PAK5: variants seen among roughly 807,000 people sequenced by gnomAD.
The protein encoded by PAK5 is serine/threonine-protein kinase PAK 5.
In PAK5, 16 loss-of-function variants were observed where a neutral mutation model predicts 65.9. That is an observed-to-expected ratio of 0.24 (90% CI 0.16 to 0.37). PAK5 has a LOEUF of 0.37. Among genes scored for constraint, PAK5 ranks in the 10% least tolerant of loss-of-function variants. PAK5 has a pLI of 1.00. For missense variants in PAK5, 785 were observed against 903.9 expected (o/e 0.87, Z 1.69); for synonymous variants, 371 against 354.9 (o/e 1.05, Z -0.51).
chr20:9,685,109 C>T (rs2047700252), intron 2 of PAK5, among the ~76,000 whole-genome samples: 1 of 152,196 alleles, frequency 6.6e-6, no homozygotes, highest in South Asian at 2.1e-4. Flanking sequence ...CTTTCCATAG[C>T]ACTGATCTCA....
intron 1 of PAK5, among the ~76,000 whole-genome samples, chr20:9,765,043 T>C (rs1051421469): frequency 6.6e-6 from 1 of 152,186 alleles, no homozygotes; most frequent in Non-Finnish European, 1.5e-5. Flanking sequence ...AGCACATGTA[T>C]AACCCTCACC....
At chr20:9,575,916 C>G (rs1369063392) in intron 4 of PAK5, among the ~76,000 whole-genome samples, 1 of 152,126 alleles carries the variant, frequency 6.6e-6, no homozygotes, top group African/African-American at 2.4e-5. Flanking sequence ...TTGGGGAAGT[C>G]CATAAAGATT....
intron 3 of PAK5, among the ~76,000 whole-genome samples, chr20:9,625,974 C>A (rs2046838319): frequency 6.6e-6 from 1 of 152,162 alleles, no homozygotes; most frequent in African/African-American, 2.4e-5. Context: ...TTCAGGACTG[C>A]AGGTGCCACC....
intron 1 of PAK5, among the ~76,000 whole-genome samples, chr20:9,728,292 C>G (rs1018133167): frequency 6.6e-6 from 1 of 152,096 alleles, no homozygotes; most frequent in South Asian, 2.1e-4. Context: ...TCCAGAATCA[C>G]GAGAAATAAA....
intron 1 of PAK5, among the ~76,000 whole-genome samples, chr20:9,725,530 AT>A (rs2048266563): frequency 6.6e-6 from 1 of 152,204 alleles, no homozygotes; most frequent in Admixed American, 6.5e-5. Context: ...CGGCAAAAGA[AT>A]TTTCAACACA....
At chr20:9,558,495 TGAA>T (rs1313333622) in intron 6 of PAK5, among the ~76,000 whole-genome samples, 1 of 152,168 alleles carries the variant, frequency 6.6e-6, no homozygotes, top group East Asian at 1.9e-4. Flanking sequence ...AATAGGTAGA[TGAA>T]GGTTTCAGGC....
At chr20:9,724,212 G>T (rs1427626126) in intron 1 of PAK5, among the ~76,000 whole-genome samples, 1 of 152,150 alleles carries the variant, frequency 6.6e-6, no homozygotes, top group Non-Finnish European at 1.5e-5. Flanking sequence ...GTAGTTTACG[G>T]AGATTTATTT....
intron 3 of PAK5, among the ~76,000 whole-genome samples, chr20:9,629,091 G>A (rs528336660): frequency 3.3e-5 from 5 of 152,122 alleles, no homozygotes; most frequent in African/African-American, 9.7e-5. Flanking sequence ...TGAATTTTGC[G>A]AAGTGGATTC....
intron 1 of PAK5, among the ~76,000 whole-genome samples, chr20:9,834,810 G>T (rs890458674): frequency 3.3e-5 from 5 of 151,998 alleles, no homozygotes; most frequent in Admixed American, 3.3e-4. Context: ...TATACATAAT[G>T]ATTATTATTT....
chr20:9,764,842 C>T (rs1239504316), intron 1 of PAK5, among the ~76,000 whole-genome samples: 3 of 151,936 alleles, frequency 2.0e-5, no homozygotes, highest in African/African-American at 7.3e-5. Context: ...TTTTTAAAGG[C>T]CCATTTTAGG....
At chr20:9,812,071 T>C (rs1004422801) in intron 1 of PAK5, among the ~76,000 whole-genome samples, 4 of 152,182 alleles carry the variant, frequency 2.6e-5, no homozygotes, top group East Asian at 1.9e-4. Context: ...AGATATTTCC[T>C]AGGGGATCAC....
At chr20:9,754,570 T>C (rs555639786) in intron 1 of PAK5, among the ~76,000 whole-genome samples, 6 of 152,236 alleles carry the variant, frequency 3.9e-5, no homozygotes, top group South Asian at 2.1e-4. Flanking sequence ...CTAGGAGCAA[T>C]TGGGGAGGTT....
At chr20:9,549,020 A>T (rs1447874340) in intron 7 of PAK5, among the ~76,000 whole-genome samples, 1 of 152,198 alleles carries the variant, frequency 6.6e-6, no homozygotes, top group Non-Finnish European at 1.5e-5. Flanking sequence ...CTCAGATCAT[A>T]GAATTTCACA....
rs1288735012 is a variant in PAK5 at position 9,580,853 on chromosome 20, C to A, written c.282G>T (p.Val94=). Residue 94 remains valine, a synonymous_variant, in exon 4 of 10, where the codon GTG becomes GTT. Transcript: ENST00000353224. ...GLLEDFDNIS[V]TRSNSLRKES... is the part of the protein sequence containing the mutation. ...CTTTCCTTAGGGAGTTGGAGCGAGT[C>A]ACCGAGATGTTGTCAAAATCCTCTA... 1 of 1,613,520 alleles carries A rather than the reference C, an allele frequency of 6.2e-7. No homozygotes were observed. Among genetic ancestry groups the A allele is most frequent in the Non-Finnish European group, 8.5e-7 (1 of 1,179,832 alleles).
At chr20:9,738,882 G>C (rs2048420824) in intron 1 of PAK5, among the ~76,000 whole-genome samples, 2 of 102,138 alleles carry the variant, frequency 2.0e-5, no homozygotes, top group African/African-American at 6.8e-5. Context: ...TTTTTAAGGA[G>C]AGTAAACATT....
intron 1 of PAK5, among the ~76,000 whole-genome samples, chr20:9,760,943 C>G (rs1017885395): frequency 6.6e-6 from 1 of 152,004 alleles, no homozygotes; most frequent in African/African-American, 2.4e-5. Context: ...CAAAGTGAAA[C>G]ATTGATACTC....
chr20:9,791,014 C>T (rs1600378517), intron 1 of PAK5, among the ~76,000 whole-genome samples: 1 of 152,100 alleles, frequency 6.6e-6, no homozygotes, highest in East Asian at 1.9e-4. Context: ...TCTGCTCCTA[C>T]TTCATAGACA....
chr20:9,587,392 C>T (rs1388606263), intron 3 of PAK5, among the ~76,000 whole-genome samples: 4 of 151,978 alleles, frequency 2.6e-5, no homozygotes, highest in Non-Finnish European at 5.9e-5. Context: ...ATCTAAAAAG[C>T]GGAATACTTT....
chr20:9,556,785 T>C (rs915694112), intron 7 of PAK5, among the ~76,000 whole-genome samples: 4 of 152,198 alleles, frequency 2.6e-5, no homozygotes, highest in Admixed American at 2.0e-4. Flanking sequence ...GTGATAAATA[T>C]CCTCTGTTTG....
Sources: gnomAD v4.1 joint callset for allele counts (sites outside exome capture counted in the v4.1 genomes callset) on GRCh38, gnomAD v4.1.1 for gene constraint, MANE v1.5 for transcripts, NCBI Gene and HGNC (gene_info 2026-07-23, HGNC 2026-07-21) for gene names.